RTKN2: variants seen among roughly 807,000 people sequenced by gnomAD.
RTKN2 encodes rhotekin-2.
A neutral mutation model predicts 71.5 loss-of-function variants in RTKN2; 69 were observed. That is an observed-to-expected ratio of 0.96 (90% CI 0.79 to 1.18). The LOEUF is 1.18. Ranked by LOEUF, RTKN2 falls within the 50% of genes most tolerant of loss-of-function variation. The pLI is 0.00. For missense variants in RTKN2, 724 were observed against 719.7 expected, an observed-to-expected ratio of 1.01 and a Z score of -0.07; for synonymous variants, 236 against 236.5, an observed-to-expected ratio of 1.00 and a Z score of 0.02.
chr10:62,227,497 G>A (rs1289428188), intron 6 of RTKN2, among the ~76,000 whole-genome samples: 2 of 152,168 alleles, frequency 1.3e-5, no homozygotes, highest in African/African-American at 2.4e-5. Flanking sequence ...AGGTCACTGT[G>A]ACTGGAGTAT....
intron 3 of RTKN2, among the ~76,000 whole-genome samples, chr10:62,244,183 A>T (rs777113941): frequency 1.4e-4 from 21 of 152,200 alleles, no homozygotes; most frequent in Non-Finnish European, 2.4e-4. Flanking sequence ...ATCAAGAAAA[A>T]ATGGATTTAT....
downstream of RTKN2, among the ~76,000 whole-genome samples, chr10:62,189,512 A>T (rs1564493472): frequency 1.3e-5 from 2 of 152,094 alleles, no homozygotes; most frequent in Non-Finnish European, 2.9e-5. Context: ...CAGTCTTCTG[A>T]GTGATTCCAA....
At chr10:62,185,028 A>G (rs753893640) in intron 8 of RTKN2, among the ~76,000 whole-genome samples, 1 of 151,722 alleles carries the variant, frequency 6.6e-6, no homozygotes, top group Admixed American at 6.6e-5. Context: ...ACCATCCCCA[A>G]CTCCCAGGAA....
intron 1 of RTKN2, 38 bp downstream of exon 1, chr10:62,268,513 C>A (rs1241458235): frequency 6.5e-7 from 1 of 1,541,576 alleles, no homozygotes; most frequent in South Asian, 1.2e-5. Context: ...AACCCCGGCT[C>A]CCTCACCTTC....
chr10:62,268,613 C>G lies in RTKN2; in HGVS notation c.-3G>C, dbSNP rs1276243607. ...CCCCTCAGGCTCGGCCCCTCCATCT[C>G]CAACGCGAACTGTCCGGGCCGTCGC... On this transcript the variant is annotated 5_prime_UTR_variant, in exon 1 of 12. Coordinates refer to ENST00000373789, the MANE Select transcript of RTKN2 (RefSeq NM_145307.4). The G allele has an allele frequency of 6.4e-7, 1 of 1,561,800 alleles. No individual in the cohort carries two copies. Among genetic ancestry groups the G allele is most frequent in the Non-Finnish European group, 8.7e-7 (1 of 1,152,950 alleles).
chr10:62,219,002 A>G (rs1207866336), intron 7 of RTKN2, among the ~76,000 whole-genome samples: 3 of 152,162 alleles, frequency 2.0e-5, no homozygotes, highest in Non-Finnish European at 4.4e-5. Flanking sequence ...AAAGCAAAAC[A>G]AAAACAAAAA....
Position 62,218,346 on chromosome 10 carries a change from A to C in RTKN2, c.782-45T>G, listed in dbSNP as rs759158235. The C allele has an allele frequency of 4.1e-6, 5 of 1,230,738 alleles. No homozygotes were observed. In the East Asian group the frequency reaches 1.2e-4, roughly 30 times the overall value. 76.2% of individuals were successfully genotyped at this position (1,230,738 alleles called of 1,614,324 possible). ...AAAAAAAAATCAAGTTATAAATATA[A>C]GTTTATTTAAGGTCATCATACATTT... On this transcript the variant is annotated intron_variant, in intron 7 of 11. Coordinates refer to ENST00000373789, the MANE Select transcript of RTKN2 (RefSeq NM_145307.4).
At chr10:62,186,263 A>T (rs1360791892) in intron 8 of RTKN2, among the ~76,000 whole-genome samples, 1 of 152,176 alleles carries the variant, frequency 6.6e-6, no homozygotes, top group Non-Finnish European at 1.5e-5. Flanking sequence ...CAATTCAGCT[A>T]ATGTTTCTAC....
chr10:62,235,988 C>A, intron 6 of RTKN2, 78 bp downstream of exon 6: 1 of 1,038,858 alleles, frequency 9.6e-7, no homozygotes, highest in Non-Finnish European at 1.4e-6. Flanking sequence ...ATAAAGTAAA[C>A]ATACACTTCA....
chr10:62,188,969 C>G (rs1034457740), downstream of RTKN2, among the ~76,000 whole-genome samples: 3 of 151,516 alleles, frequency 2.0e-5, no homozygotes, highest in Admixed American at 6.6e-5. Flanking sequence ...AGGATGATCT[C>G]GATCTCCTGA....
chr10:62,198,138 T>G lies in RTKN2; in HGVS notation c.1600A>C (p.Ser534Arg), dbSNP rs757101215. ...QLVKDNWGKTSVSQTSSLDTK... is the reference protein window; with the variant it reads ...QLVKDNWGKTRVSQTSSLDTK... The stretch of plus-strand genomic sequence containing the variant: ...TCCAAAGACGATGTCTGAGATACAC[T>G]TGTTTTTCCCCAGTTGTCCTTAACC... The change falls in exon 12 of 12, where the codon AGT becomes CGT. Residue 534 changes from serine (S) to arginine (R), a missense_variant. By Grantham distance (110) the Ser-to-Arg change is moderately radical. Coordinates refer to ENST00000373789, the MANE Select transcript of RTKN2 (RefSeq NM_145307.4). 1 of 1,614,202 alleles carries G rather than the reference T, an allele frequency of 6.2e-7. No homozygotes were observed. The highest frequency in any genetic ancestry group is 2.2e-5 in the East Asian group (1 of 44,894).
downstream of RTKN2, among the ~76,000 whole-genome samples, chr10:62,192,090 G>A (rs960688228): frequency 1.3e-5 from 2 of 149,510 alleles, no homozygotes; most frequent in African/African-American, 4.9e-5. Flanking sequence ...CCCAAATGAG[G>A]TTAAAAAAAA....
At chr10:62,226,149 A>C (rs1842018669) in intron 6 of RTKN2, among the ~76,000 whole-genome samples, 1 of 152,024 alleles carries the variant, frequency 6.6e-6, no homozygotes, top group Non-Finnish European at 1.5e-5. Context: ...TTTTTTTTCC[A>C]AATCAGTAAA....
At chr10:62,219,081 T>C (rs1163150219) in intron 7 of RTKN2, among the ~76,000 whole-genome samples, 1 of 152,198 alleles carries the variant, frequency 6.6e-6, no homozygotes, top group Non-Finnish European at 1.5e-5. Context: ...CTTCTTTTGC[T>C]GAACAATTCA....
At chr10:62,248,684 G>T (rs1842521955) in intron 2 of RTKN2, among the ~76,000 whole-genome samples, 2 of 152,064 alleles carry the variant, frequency 1.3e-5, no homozygotes, top group South Asian at 4.1e-4. Flanking sequence ...TTATATTTCT[G>T]CCTGTAGGTA....
chr10:62,262,598 A>T (rs1842792478), intron 2 of RTKN2, 27 bp downstream of exon 2: 1 of 1,469,908 alleles, frequency 6.8e-7, no homozygotes, highest in African/African-American at 1.4e-5. Context: ...AGTACATTAA[A>T]AGCCACAGGT....
chr10:62,184,783 G>A (rs191859360), intron 8 of RTKN2, among the ~76,000 whole-genome samples: 303 of 152,184 alleles, frequency 2.0e-3, no homozygotes, highest in African/African-American at 6.7e-3. Flanking sequence ...AACCCAAGTC[G>A]CTAATATTCT....
At position 62,197,246 on chromosome 10, in the gene RTKN2, T is replaced by C; in HGVS notation, c.*662A>G. The stretch of plus-strand genomic sequence containing the variant: ...CTAAACTAGTAAGTGTTATGCTTCA[T>C]TTATGAAAGTTAATGTCAACAGTAT... On this transcript the variant is annotated 3_prime_UTR_variant, in exon 12 of 12. Transcript: ENST00000373789. 8.1e-6 allele frequency: 8 copies of C among 985,620 alleles called. No individual in the cohort carries two copies. Among genetic ancestry groups the C allele is most frequent in the Non-Finnish European group, 9.6e-6 (8 of 829,714 alleles). The allele number at this position is 985,620 out of a possible 1,614,324, so 61.1% of individuals were successfully genotyped here. A position where few individuals can be genotyped will look rare whatever the true frequency, so the allele number is the denominator to read the frequency against.
At chr10:62,248,132 T>G (rs1260368639) in intron 2 of RTKN2, among the ~76,000 whole-genome samples, 1 of 152,132 alleles carries the variant, frequency 6.6e-6, no homozygotes, top group African/African-American at 2.4e-5. Flanking sequence ...AATTATAAAT[T>G]ATTTGCATAG....
Sources: gnomAD v4.1 joint callset for allele counts (sites outside exome capture counted in the v4.1 genomes callset) on GRCh38, gnomAD v4.1.1 for gene constraint, MANE v1.5 for transcripts, NCBI Gene and HGNC (gene_info 2026-07-23, HGNC 2026-07-21) for gene names.